Variants in DIPK1C observed in about 807,000 individuals in gnomAD.
DIPK1C encodes divergent protein kinase domain 1C, also known as familial non-conventional Alzheimer's dementia.
Under a neutral mutation model 28.0 loss-of-function variants are expected in DIPK1C, and 33 were observed. The observed-to-expected ratio is 1.18, with a 90% CI of 0.89 to 1.58. The LOEUF (loss-of-function observed/expected upper bound fraction) is 1.58, where lower values mean the gene tolerates loss of function less well. Ranked by LOEUF, DIPK1C falls within the 40% of genes most tolerant of loss-of-function variation. DIPK1C has a pLI of 0.00. For synonymous variants in DIPK1C, 255 were observed against 248.8 expected, an observed-to-expected ratio of 1.02 and a Z score of -0.23; for missense variants, 569 against 568.5, an observed-to-expected ratio of 1.00 and a Z score of -0.01.
intron 1 of DIPK1C, among the ~76,000 whole-genome samples, chr18:74,453,336 G>A (rs1986439200): frequency 1.3e-5 from 2 of 152,324 alleles, no homozygotes; most frequent in East Asian, 1.9e-4. Flanking sequence ...ATTCCTTCCC[G>A]AAGTAGCTAT....
At chr18:74,445,632 C>T (rs1382209702) in intron 2 of DIPK1C, among the ~76,000 whole-genome samples, 2 of 152,296 alleles carry the variant, frequency 1.3e-5, no homozygotes, top group East Asian at 1.9e-4. Context: ...CTGAAGAGCA[C>T]GACCCCACCA....
rs1986267381 is a variant in DIPK1C, at chr18:74,446,631, T to C, written c.851A>G (p.Asn284Ser). The C allele has an allele frequency of 1.4e-6, 2 of 1,464,500 alleles. No individual in the cohort carries two copies. The highest frequency in any genetic ancestry group is 1.8e-6 in the Non-Finnish European group (2 of 1,103,368). 90.7% of individuals were successfully genotyped at this position (1,464,500 alleles called of 1,614,324 possible). ...RLHLCDIKPENFAIRSDFTVV... is the reference protein window; with the variant it reads ...RLHLCDIKPESFAIRSDFTVV... ...TGTGAAGTCGCTCCGGATGGCAAAG[T>C]TTTCCGGCTTGATGTCGCAGAGGTG... is the stretch of plus-strand genomic sequence containing the variant. Residue 284 changes from asparagine (N) to serine (S), a missense_variant, in exon 2 of 4, where the codon AAC becomes AGC. Physicochemically the swap from Asn to Ser is conservative, Grantham distance 46 (BLOSUM62 1). Coordinates refer to ENST00000343998, the MANE Select transcript of DIPK1C (RefSeq NM_001044369.3).
upstream of DIPK1C, among the ~76,000 whole-genome samples, chr18:74,462,567 T>C (rs1986632984): frequency 6.6e-6 from 1 of 152,174 alleles, no homozygotes; most frequent in Admixed American, 6.5e-5. Flanking sequence ...GTGTACACAG[T>C]GACACATATG....
chr18:74,456,740 C>T (rs1366256823), intron 1 of DIPK1C, among the ~76,000 whole-genome samples: 2 of 152,238 alleles, frequency 1.3e-5, no homozygotes, highest in African/African-American at 2.4e-5. Flanking sequence ...TCCCTGGACA[C>T]TCGGATCAGA....
intron 1 of DIPK1C, 140 bp downstream of exon 1, chr18:74,456,922 A>T: frequency 1.1e-6 from 1 of 920,300 alleles, no homozygotes; most frequent in Non-Finnish European, 1.5e-6. Flanking sequence ...CGCCTCTGGC[A>T]CTCCACGCAG....
chr18:74,442,621 G>GCA (rs1986168475), intron 2 of DIPK1C, among the ~76,000 whole-genome samples: 2 of 152,208 alleles, frequency 1.3e-5, no homozygotes, highest in Non-Finnish European at 2.9e-5. Flanking sequence ...GAGCCACCGT[G>GCA]CCCGGCCGCA....
In DIPK1C at chr18:74,446,893, C is replaced by G. The variant is rs1330713299; in HGVS notation, c.589G>C (p.Val197Leu). 3 of 1,517,682 alleles carry G rather than the reference C, an allele frequency of 2.0e-6. No individual in the cohort carries two copies. The African/African-American group carries it at 4.2e-5, about 21-fold the overall frequency. The allele number at this position is 1,517,682 out of a possible 1,614,324, so 94.0% of individuals were successfully genotyped here. A position where few individuals can be genotyped will look rare whatever the true frequency, so the allele number is the denominator to read the frequency against. ...LWALLQQEEY[V>L]YFSLLQDLSP... ...AGGTCCTGCAGCAGGCTGAAGTAGA[C>G]GTACTCCTCCTGCTGCAGCAGGGCC... is the stretch of plus-strand genomic sequence containing the variant. The change falls in exon 2 of 4, where the codon GTC becomes CTC. Residue 197 changes from valine (V) to leucine (L), a missense_variant. Transcript: ENST00000343998.
chr18:74,450,459 G>A (rs993016302), intron 1 of DIPK1C, among the ~76,000 whole-genome samples: 1 of 152,216 alleles, frequency 6.6e-6, no homozygotes, highest in Admixed American at 6.5e-5. Flanking sequence ...GAGGAGGGGA[G>A]GGCGGGGAGA....
At chr18:74,438,167 C>T (rs2144510136) in intron 3 of DIPK1C, among the ~76,000 whole-genome samples, 1 of 152,342 alleles carries the variant, frequency 6.6e-6, no homozygotes, top group South Asian at 2.1e-4. Flanking sequence ...GCTGGGACTA[C>T]AGGCATGAGC....
chr18:74,458,650 A>G (rs1206339642), upstream of DIPK1C, among the ~76,000 whole-genome samples: 1 of 152,090 alleles, frequency 6.6e-6, no homozygotes, highest in Non-Finnish European at 1.5e-5. Flanking sequence ...GTGTCACTCA[A>G]TCAACAGCGG....
At position 74,446,976 on chromosome 18, in the gene DIPK1C, C is replaced by T. The variant is rs778579435; in HGVS notation, c.506G>A (p.Gly169Glu). 2.6e-6 allele frequency: 4 copies of T among 1,518,570 alleles called. No homozygotes were observed. In the East Asian group the frequency reaches 7.4e-5, roughly 28 times the overall value. The allele number at this position is 1,518,570 out of a possible 1,614,324, so 94.1% of individuals were successfully genotyped here. The change falls in exon 2 of 4, where the codon GGG becomes GAG. Residue 169 changes from glycine (G) to glutamate (E), a missense_variant. Gly to Glu is a moderately conservative substitution (Grantham distance 98). Transcript: ENST00000343998. ...LGLELSNSSL[G>E]PWWPGRRGPR... Reference sequence around the variant, plus strand: ...GCCCCGCCTGCCCGGCCACCACGGCCCCAGGCTGCTGTTGGACAACTCCAG... The same window carrying T: ...GCCCCGCCTGCCCGGCCACCACGGCTCCAGGCTGCTGTTGGACAACTCCAG...
chr18:74,459,663 A>G (rs72975778), upstream of DIPK1C, among the ~76,000 whole-genome samples: 461 of 152,336 alleles, frequency 3.0e-3, 4 homozygotes, highest in Middle Eastern at 0.014. Flanking sequence ...TAATAGCAAC[A>G]TTGGAAGTAA....
the DIPK1C span, among the ~76,000 whole-genome samples, chr18:74,463,667 G>A: frequency 2.0e-5 from 3 of 152,142 alleles, no homozygotes; most frequent in East Asian, 1.9e-4. Flanking sequence ...AAAGCACAAC[G>A]CAGGGGAAAA....
rs1324563112 is a variant in DIPK1C at position 74,435,275 on chromosome 18, G to C, written c.*1226C>G. On this transcript the variant is annotated 3_prime_UTR_variant, in exon 4 of 4. Transcript: ENST00000343998. ...TCCCTTTTCATGGGATTTCTGAAAA[G>C]GGGTGACCCGTTGGTTTGTTGAGCA... The C allele has an allele frequency of 6.6e-6, 1 of 152,182 alleles. No individual in the cohort carries two copies. Among genetic ancestry groups the C allele is most frequent in the African/African-American group, 2.4e-5 (1 of 41,432 alleles). 9.4% of individuals were successfully genotyped at this position (152,182 alleles called of 1,614,324 possible).
chr18:74,441,662 G>C (rs1184175158), intron 3 of DIPK1C, among the ~76,000 whole-genome samples: 2 of 152,160 alleles, frequency 1.3e-5, no homozygotes, highest in Non-Finnish European at 2.9e-5. Flanking sequence ...ATGTTTATGA[G>C]AGGTTGTAGA....
intron 3 of DIPK1C, among the ~76,000 whole-genome samples, chr18:74,439,911 CT>C (rs1986080506): frequency 1.3e-5 from 2 of 149,906 alleles, no homozygotes; most frequent in South Asian, 4.3e-4. Flanking sequence ...TAAATACTTG[CT>C]TTTGACATTT....
chr18:74,448,619 G>A (rs1002597902), intron 1 of DIPK1C, among the ~76,000 whole-genome samples: 1 of 152,126 alleles, frequency 6.6e-6, no homozygotes, highest in African/African-American at 2.4e-5. Flanking sequence ...TGGCCAAGAG[G>A]GAAGTGTGTG....
At chr18:74,443,172 C>A (rs1464946184) in intron 2 of DIPK1C, among the ~76,000 whole-genome samples, 1 of 152,206 alleles carries the variant, frequency 6.6e-6, no homozygotes, top group African/African-American at 2.4e-5. Context: ...TCCCTGGCAT[C>A]CAACCAAACA....
intron 1 of DIPK1C, among the ~76,000 whole-genome samples, chr18:74,448,609 T>C (rs10514133): frequency 0.19 from 29,428 of 152,024 alleles, 3,762 homozygotes; most frequent in East Asian, 0.54. Flanking sequence ...ATGATTGTAC[T>C]GGCCAAGAGG....
Sources: gnomAD v4.1 joint callset for allele counts (sites outside exome capture counted in the v4.1 genomes callset) on GRCh38, gnomAD v4.1.1 for gene constraint, MANE v1.5 for transcripts, NCBI Gene and HGNC (gene_info 2026-07-23, HGNC 2026-07-21) for gene names.